TBC1D14: variants seen among roughly 807,000 people sequenced by gnomAD.
The protein encoded by TBC1D14 is TBC1 domain family, member 14.
TBC1D14 carries 26 observed loss-of-function variants against 79.0 expected under a neutral mutation model. That is an observed-to-expected ratio of 0.33 (90% CI 0.24 to 0.46). The LOEUF is 0.46. Among genes scored for constraint, TBC1D14 ranks in the 20% least tolerant of loss-of-function variants. The pLI is 1.00. For synonymous variants in TBC1D14, 394 were observed against 349.9 expected (o/e 1.13, Z -1.40); for missense variants, 769 against 887.6 (o/e 0.87, Z 1.70).
chr4:7,005,669 A>G (rs1720119265), intron 8 of TBC1D14, among the ~76,000 whole-genome samples: 2 of 152,028 alleles, frequency 1.3e-5, no homozygotes. Flanking sequence ...ACTGCACTCC[A>G]GCCTAGGTGA....
At chr4:6,943,052 C>A (rs761501418) in intron 2 of TBC1D14, among the ~76,000 whole-genome samples, 36 of 152,174 alleles carry the variant, frequency 2.4e-4, no homozygotes, top group Non-Finnish European at 4.9e-4. Flanking sequence ...CCATGCTCCC[C>A]TAGGTTCCTT....
chr4:6,951,301 AAACAAC>A (rs574050167), intron 2 of TBC1D14, among the ~76,000 whole-genome samples: 13 of 152,128 alleles, frequency 8.5e-5, no homozygotes, highest in Middle Eastern at 3.4e-3. Flanking sequence ...CAAAAAAAAT[AAACAAC>A]AACAACAACA....
At chr4:6,987,288 G>A in intron 3 of TBC1D14, 2 of 1,349,472 alleles carry the variant, frequency 1.5e-6, no homozygotes, top group South Asian at 1.8e-5. Flanking sequence ...GAGGGAGGCC[G>A]GCCCTCCGCT....
intron 2 of TBC1D14, among the ~76,000 whole-genome samples, chr4:6,956,262 G>A (rs932140165): frequency 1.3e-5 from 2 of 152,218 alleles, no homozygotes; most frequent in Non-Finnish European, 1.5e-5. Flanking sequence ...GAAGTAGCAG[G>A]TGTGCTGGAG....
At chr4:6,958,376 T>TACACACAC (rs60999179) in intron 2 of TBC1D14, among the ~76,000 whole-genome samples, 50,215 of 148,996 alleles carry the variant, frequency 0.34, 9,078 homozygotes, top group East Asian at 0.79. Context: ...TCCCCACATA[T>TACACACAC]ACACACACAC....
chr4:6,968,057 T>C (rs559192091), intron 3 of TBC1D14, among the ~76,000 whole-genome samples: 21 of 152,310 alleles, frequency 1.4e-4, no homozygotes, highest in Admixed American at 1.4e-3. Flanking sequence ...TGCCTGCAGC[T>C]TCTCTTAGGC....
At chr4:7,010,442 G>A (rs1385582090) in intron 10 of TBC1D14, among the ~76,000 whole-genome samples, 1 of 152,086 alleles carries the variant, frequency 6.6e-6, no homozygotes, top group Non-Finnish European at 1.5e-5. Flanking sequence ...GGGAGCAGGG[G>A]TGGGAACTGA....
Position 6,994,411 on chromosome 4 carries a change from A to G in TBC1D14, c.962+109A>G, listed in dbSNP as rs1054875747. 8 of 931,512 alleles carry G rather than the reference A, an allele frequency of 8.6e-6. No individual in the cohort carries two copies. The Admixed American group carries it at 1.3e-4, about 15-fold the overall frequency. The allele number at this position is 931,512 out of a possible 1,614,324, so 57.7% of individuals were successfully genotyped here. Reference sequence around the variant, plus strand: ...TAGGGTCAGAAAAGGGGAGAAGAGTAAGCCAGAATCACTTCTTATTCTCTA... The same window carrying G: ...TAGGGTCAGAAAAGGGGAGAAGAGTGAGCCAGAATCACTTCTTATTCTCTA... On this transcript the variant is annotated intron_variant, in intron 4 of 13. Coordinates refer to ENST00000409757, the MANE Select transcript of TBC1D14 (RefSeq NM_020773.3).
In TBC1D14 at chr4:7,025,119, C is replaced by G; in HGVS notation, c.1873C>G (p.Leu625Val). ...CCGCACGGCCCTGGGCATCCTGAAG[C>G]TGTTCGAGGACATCCTGACCAAGAT... is the stretch of plus-strand genomic sequence containing the variant. ...LFRTALGILK[L>V]FEDILTKMDF... Residue 625 changes from leucine to valine, a missense_variant, in exon 13 of 14, where the codon CTG becomes GTG. By Grantham distance (32) the Leu-to-Val change is conservative (BLOSUM62 1). Transcript: ENST00000409757. 1 of 1,614,230 alleles carries G rather than the reference C, an allele frequency of 6.2e-7. No individual in the cohort carries two copies. Among genetic ancestry groups the G allele is most frequent in the South Asian group, 1.1e-5 (1 of 91,088 alleles).
chr4:6,994,349 G>A (rs766159545), intron 4 of TBC1D14, 47 bp downstream of exon 4: 11 of 1,552,890 alleles, frequency 7.1e-6, no homozygotes, highest in Non-Finnish European at 9.8e-6. Flanking sequence ...TAGGAAATAA[G>A]TACAACTTGC....
intron 9 of TBC1D14, among the ~76,000 whole-genome samples, chr4:7,008,392 CA>C (rs1165485087): frequency 6.6e-6 from 1 of 152,146 alleles, no homozygotes; most frequent in Non-Finnish European, 1.5e-5. Flanking sequence ...GAACTGTGTC[CA>C]AAAGCAGTTA....
chr4:6,958,019 C>T (rs1714813697), intron 2 of TBC1D14, among the ~76,000 whole-genome samples: 1 of 151,718 alleles, frequency 6.6e-6, no homozygotes, highest in Non-Finnish European at 1.5e-5. Flanking sequence ...GATGTTAAGC[C>T]CACAGTGCTG....
chr4:6,926,786 G>T (rs1173123365), intron 2 of TBC1D14, among the ~76,000 whole-genome samples: 1 of 152,184 alleles, frequency 6.6e-6, no homozygotes, highest in East Asian at 1.9e-4. Flanking sequence ...TCAGCCCAGG[G>T]CCTGGCCCAC....
intron 1 of TBC1D14, among the ~76,000 whole-genome samples, chr4:6,915,932 T>A (rs140515561): frequency 0.012 from 1,745 of 149,456 alleles, 15 homozygotes; most frequent in Middle Eastern, 0.037. Context: ...CTGGCCAACA[T>A]GGTGAAATCC....
intron 3 of TBC1D14, among the ~76,000 whole-genome samples, chr4:6,977,285 T>C (rs1430938725): frequency 3.4e-5 from 5 of 148,310 alleles, no homozygotes; most frequent in African/African-American, 1.2e-4. Context: ...CACGCCTGAC[T>C]GGTTTTCGTA....
chr4:7,020,949 A>T (rs7673889), intron 12 of TBC1D14, among the ~76,000 whole-genome samples: 149,259 of 152,342 alleles, frequency 0.98, 73,135 homozygotes, highest in East Asian at 1. Flanking sequence ...AAGGATTCAG[A>T]TGAACAGTCC....
intron 3 of TBC1D14, 74 bp from the exon 4 acceptor site, chr4:6,994,083 TTGGCTTAAAAGAGTTTCATGACAAAAC>T (rs897074438): frequency 2.7e-5 from 28 of 1,030,954 alleles, no homozygotes; most frequent in Non-Finnish European, 4.2e-5. Context: ...GTCCTCGAAA[TTGGCTTAAAAGAGTTTCATGACAAAAC>T]AACTTTCTTA....
chr4:7,029,812 G>A (rs1003642988), intron 13 of TBC1D14, among the ~76,000 whole-genome samples: 1 of 152,172 alleles, frequency 6.6e-6, no homozygotes, highest in Non-Finnish European at 1.5e-5. Context: ...GTGACAGAGC[G>A]AGACTCCATC....
chr4:6,938,121 G>A (rs538625879), intron 2 of TBC1D14, among the ~76,000 whole-genome samples: 22 of 152,272 alleles, frequency 1.4e-4, no homozygotes, highest in East Asian at 3.9e-4. Flanking sequence ...TGGCCTTGCC[G>A]AGACACAGCT....
Sources: allele counts gnomAD v4.1 joint callset (sites outside exome capture counted in the v4.1 genomes callset), GRCh38; gene constraint gnomAD v4.1.1; transcripts MANE v1.5; gene names NCBI Gene and HGNC (gene_info 2026-07-23, HGNC 2026-07-21).